The following DMGDH variants were observed in gnomAD, a reference collection of about 807,000 sequenced individuals.
DMGDH encodes dimethylglycine dehydrogenase.
A neutral mutation model predicts 95.2 loss-of-function variants in DMGDH; 76 were observed. The observed-to-expected ratio is 0.80, with a 90% CI of 0.66 to 0.97. DMGDH has a LOEUF of 0.97. Among genes scored for constraint, DMGDH ranks in the 50% least tolerant of loss-of-function variants. DMGDH has a pLI of 0.00. For missense variants in DMGDH, 987 were observed against 1,055.0 expected (o/e 0.94, Z 0.89); for synonymous variants, 345 against 377.6 (o/e 0.91, Z 1.00).
At chr5:79,035,553 C>G (rs909553116) in intron 7 of DMGDH, among the ~76,000 whole-genome samples, 1 of 152,204 alleles carries the variant, frequency 6.6e-6, no homozygotes, top group Non-Finnish European at 1.5e-5. Flanking sequence ...AGTTCTCAGT[C>G]TTTGTTCAGC....
At chr5:79,059,989 G>A (rs373185878) in intron 2 of DMGDH, among the ~76,000 whole-genome samples, 3 of 152,194 alleles carry the variant, frequency 2.0e-5, no homozygotes, top group Non-Finnish European at 2.9e-5. Flanking sequence ...CCTATAGCAC[G>A]CAATCTGCAC....
At position 79,031,450 on chromosome 5, in the gene DMGDH, A is replaced by G. The variant is rs111523899; in HGVS notation, c.1518-452T>C. Among the ~76,000 whole-genome samples, 649 of 152,378 alleles carry G rather than the reference A, an allele frequency of 4.3e-3. 6 individuals are homozygous for G. The highest frequency in any genetic ancestry group is 0.015 in the African/African-American group (614 of 41,594). ...GCTTCTCAAACATTAATGGGAATAC[A>G]AATCACTTGCACTTGTTAAATTCCA... is the stretch of plus-strand genomic sequence containing the variant. On this transcript the variant is annotated intron_variant, in intron 9 of 15. Transcript: ENST00000255189.
chr5:79,059,616 T>G (rs1399872591), intron 2 of DMGDH, among the ~76,000 whole-genome samples: 1 of 152,244 alleles, frequency 6.6e-6, no homozygotes, highest in African/African-American at 2.4e-5. Context: ...TATGAGAGTT[T>G]TTCTATGTGA....
At chr5:79,047,867 C>A (rs1754726859) in intron 5 of DMGDH, among the ~76,000 whole-genome samples, 2 of 152,142 alleles carry the variant, frequency 1.3e-5, no homozygotes. Flanking sequence ...CTTCTGAGAA[C>A]CCACCCAGAA....
At chr5:79,018,658 T>G (rs1459136399) in intron 14 of DMGDH, among the ~76,000 whole-genome samples, 1 of 152,072 alleles carries the variant, frequency 6.6e-6, no homozygotes, top group Non-Finnish European at 1.5e-5. Flanking sequence ...TTTAAATATG[T>G]CAATTATTGC....
intron 14 of DMGDH, 145 bp downstream of exon 14, chr5:79,024,126 G>A: frequency 2.7e-6 from 2 of 749,278 alleles, no homozygotes; most frequent in Non-Finnish European, 2.3e-6. Flanking sequence ...AGAGTAATAT[G>A]ACACAATTGA....
chr5:79,024,411 G>T, intron 13 of DMGDH, 81 bp from the exon 14 acceptor site: 1 of 1,309,852 alleles, frequency 7.6e-7, no homozygotes, highest in Non-Finnish European at 1.1e-6. Flanking sequence ...GTTTTTAGGA[G>T]AAAGAACCCT....
chr5:79,032,659 C>T, intron 9 of DMGDH, 28 bp downstream of exon 9: 2 of 1,614,032 alleles, frequency 1.2e-6, no homozygotes, highest in Non-Finnish European at 1.7e-6. Context: ...TCGGTCAGAA[C>T]CACAGGCAGG....
At chr5:79,037,965 G>C (rs1230668339) in intron 7 of DMGDH, among the ~76,000 whole-genome samples, 1 of 152,178 alleles carries the variant, frequency 6.6e-6, no homozygotes, top group South Asian at 2.1e-4. Flanking sequence ...TCATGGATCA[G>C]AATACTTAAT....
intron 15 of DMGDH, chr5:79,000,989 A>G (rs994784692): frequency 2.3e-5 from 16 of 703,024 alleles, no homozygotes; most frequent in Middle Eastern, 3.8e-4. Context: ...GGTCATCTAT[A>G]TCGTAGCTAA....
In DMGDH at chr5:79,051,362, C is replaced by T. The variant is rs1483766610; in HGVS notation, c.670G>A (p.Ala224Thr). 1 of 1,614,192 alleles carries T rather than the reference C, an allele frequency of 6.2e-7. No individual in the cohort carries two copies. The highest frequency in any genetic ancestry group is 1.1e-5 in the South Asian group (1 of 91,076). The change falls in exon 5 of 16, where the codon GCC (alanine) becomes ACC (threonine). Residue 224 changes from alanine to threonine, a missense_variant. Physicochemically the swap from Ala to Thr is moderately conservative, Grantham distance 58. Transcript: ENST00000255189. Reference protein sequence around the residue: ...KYPAPVTSLKARSDGTWDVET... With the variant: ...KYPAPVTSLKTRSDGTWDVET... ...ACGTCCCATGTTCCATCTGACCTGGCTTTCAGAGAAGTTACTGGTGCAGGA... is the reference window on the plus strand; with the variant it reads ...ACGTCCCATGTTCCATCTGACCTGGTTTTCAGAGAAGTTACTGGTGCAGGA...
intron 2 of DMGDH, among the ~76,000 whole-genome samples, chr5:79,057,668 A>G (rs141706507): frequency 4.6e-5 from 7 of 152,248 alleles, no homozygotes; most frequent in Non-Finnish European, 8.8e-5. Flanking sequence ...CTGCTTTAAC[A>G]TGTTGGTATC....
At chr5:79,044,875 T>C (rs932846681) in intron 5 of DMGDH, among the ~76,000 whole-genome samples, 3 of 152,062 alleles carry the variant, frequency 2.0e-5, no homozygotes, top group Non-Finnish European at 2.9e-5. Context: ...AACCCAAATA[T>C]ACAAAAGGCA....
rs534899962 is a variant in DMGDH at position 79,049,535 on chromosome 5, G to C, written c.745+1752C>G. ...GTCTCAGTATGTTACTTTAGTATTT[G>C]CTATAATGATGAAAACAGTCAAATG... On this transcript the variant is annotated intron_variant, in intron 5 of 15. Coordinates refer to ENST00000255189, the MANE Select transcript of DMGDH (RefSeq NM_013391.3). Among the ~76,000 whole-genome samples the C allele has an allele frequency of 3.3e-5, 5 of 152,284 alleles. No homozygotes were observed. In the East Asian group the frequency reaches 7.7e-4, roughly 24 times the overall value.
rs1330913508 is a variant in DMGDH, at chr5:79,032,820, GTTC to G, written c.1381_1383del (p.Glu461del). Reference sequence around the variant, plus strand: ...CGTTGAGTCGGCCTCCCAGCAAACCGTTCTTCTTTAGGATAACCAACTGAAAAG... The same window carrying G: ...CGTTGAGTCGGCCTCCCAGCAAACCGTTCTTTAGGATAACCAACTGAAAAG... On this transcript the variant is annotated inframe_deletion, in exon 9 of 16. Coordinates refer to ENST00000255189, the MANE Select transcript of DMGDH (RefSeq NM_013391.3). 1 of 1,614,102 alleles carries G rather than the reference GTTC, an allele frequency of 6.2e-7. No homozygotes were observed. The highest frequency in any genetic ancestry group is 1.1e-5 in the South Asian group (1 of 91,078).
chr5:79,032,784 G>C lies in DMGDH; in HGVS notation c.1420C>G (p.Leu474Val). 2 of 1,614,152 alleles carry C rather than the reference G, an allele frequency of 1.2e-6. No individual in the cohort carries two copies. Among genetic ancestry groups the C allele is most frequent in the Non-Finnish European group, 1.7e-6 (2 of 1,180,036 alleles). ...CACTTAGACTCCAGCCTTTGATAGAGCCCACTGACTCGTTGAGTCGGCCTC... is the reference window on the plus strand; with the variant it reads ...CACTTAGACTCCAGCCTTTGATAGACCCCACTGACTCGTTGAGTCGGCCTC... ...AGRPTQRVSG[L>V]YQRLESKCSM... The change falls in exon 9 of 16, where the codon CTC (leucine) becomes GTC (valine). Residue 474 changes from leucine to valine, a missense_variant. By Grantham distance (32) the Leu-to-Val change is conservative. Transcript: ENST00000255189.
chr5:79,008,443 A>G (rs1753586546), intron 14 of DMGDH, among the ~76,000 whole-genome samples: 2 of 152,224 alleles, frequency 1.3e-5, no homozygotes, highest in South Asian at 4.1e-4. Flanking sequence ...GGCAATCAAC[A>G]AACTGGTTAA....
chr5:79,051,357 C>T lies in DMGDH; in HGVS notation c.675G>A (p.Arg225=), dbSNP rs763479560. ...TTTCAACGTCCCATGTTCCATCTGA[C>T]CTGGCTTTCAGAGAAGTTACTGGTG... is the stretch of plus-strand genomic sequence containing the variant. ...YPAPVTSLKA[R]SDGTWDVETP... Residue 225 remains arginine (R), a synonymous_variant, in exon 5 of 16, where the codon AGG becomes AGA. Transcript: ENST00000255189. 5.6e-6 allele frequency: 9 copies of T among 1,614,186 alleles called. No individual in the cohort carries two copies. Among genetic ancestry groups the T allele is most frequent in the East Asian group, 2.2e-5 (1 of 44,882 alleles).
In DMGDH at chr5:79,005,540, T is replaced by A. The variant is rs41272266; in HGVS notation, c.2251-133A>T. On this transcript the variant is annotated intron_variant, in intron 14 of 15. Coordinates refer to ENST00000255189, the MANE Select transcript of DMGDH (RefSeq NM_013391.3). ...TTAAATAAAAATACAGATCGGATCA[T>A]ATGTCTAGACAAATATTTCTTAGTC... 91,117 of 1,246,906 alleles carry A rather than the reference T, an allele frequency of 0.073. 3,589 individuals carry two copies. The highest frequency in any genetic ancestry group is 0.076 in the Non-Finnish European group (66,832 of 881,468). The allele number at this position is 1,246,906 out of a possible 1,614,324, so 77.2% of individuals were successfully genotyped here.
Sources: allele counts gnomAD v4.1 joint callset (sites outside exome capture counted in the v4.1 genomes callset), GRCh38; gene constraint gnomAD v4.1.1; transcripts MANE v1.5; gene names NCBI Gene and HGNC (gene_info 2026-07-23, HGNC 2026-07-21).